The following DEUP1 variants were observed in gnomAD, a reference collection of about 807,000 sequenced individuals.
DEUP1 encodes coiled-coil domain containing 67.
A neutral mutation model predicts 87.4 loss-of-function variants in DEUP1; 82 were observed. The ratio of observed to expected loss-of-function variants is 0.94; its 90% CI spans 0.78 to 1.13. The LOEUF (loss-of-function observed/expected upper bound fraction) is 1.13, where lower values mean the gene tolerates loss of function less well. DEUP1 is among the 50% of genes most tolerant of loss of function. DEUP1 has a pLI of 0.00. For missense variants in DEUP1, 663 were observed against 681.5 expected (o/e 0.97, Z 0.30); for synonymous variants, 214 against 222.7 (o/e 0.96, Z 0.35).
chr11:93,393,312 T>G (rs1219577843), intron 9 of DEUP1, among the ~76,000 whole-genome samples: 1 of 137,114 alleles, frequency 7.3e-6, no homozygotes, highest in Admixed American at 7.1e-5. Context: ...TTTCTATGCC[T>G]TTTTATTTTT....
chr11:93,368,470 G>T (rs1306230458), intron 5 of DEUP1, among the ~76,000 whole-genome samples: 2 of 152,176 alleles, frequency 1.3e-5, no homozygotes, highest in African/African-American at 4.8e-5. Context: ...GGTTGGGGAG[G>T]CCTTGGGAAA....
At chr11:93,433,220 C>T (rs1328248138) in intron 13 of DEUP1, among the ~76,000 whole-genome samples, 1 of 152,174 alleles carries the variant, frequency 6.6e-6, no homozygotes, top group Non-Finnish European at 1.5e-5. Context: ...GTGCTAGAAC[C>T]TGATGAATCA....
chr11:93,347,529 T>C (rs189156588), intron 2 of DEUP1, among the ~76,000 whole-genome samples: 65 of 152,266 alleles, frequency 4.3e-4, no homozygotes, highest in African/African-American at 1.5e-3. Context: ...GCCGGCCTCA[T>C]AGAATGAGTT....
rs1312095301 is a variant in DEUP1 at position 93,370,203 on chromosome 11, T to C, written c.546+17T>C. ...CAGTTTCAGGTAAGTTATCTAATAC[T>C]ATTCTCTAAATCAAAAGCAGAAGTT... On this transcript the variant is annotated intron_variant, in intron 6 of 13. Transcript: ENST00000298050. 8.0e-7 allele frequency: 1 copy of C among 1,252,074 alleles called. No individual in the cohort carries two copies. The highest frequency in any genetic ancestry group is 1.5e-5 in the African/African-American group (1 of 67,108). The allele number at this position is 1,252,074 out of a possible 1,614,324, so 77.6% of individuals were successfully genotyped here.
intron 7 of DEUP1, among the ~76,000 whole-genome samples, chr11:93,383,836 T>C (rs897272997): frequency 1.3e-5 from 2 of 152,240 alleles, no homozygotes; most frequent in African/African-American, 2.4e-5. Context: ...GTGGAAGGGA[T>C]TATTTTTTCA....
At chr11:93,432,971 T>C (rs1948147406) in intron 13 of DEUP1, among the ~76,000 whole-genome samples, 1 of 152,168 alleles carries the variant, frequency 6.6e-6, no homozygotes, top group African/African-American at 2.4e-5. Flanking sequence ...TTTTTTCCTT[T>C]TACTTGCCTA....
In DEUP1 at chr11:93,400,222, A is replaced by C. The variant is rs115591877; in HGVS notation, c.1326+3897A>C. On this transcript the variant is annotated intron_variant, in intron 11 of 13. Coordinates refer to ENST00000298050, the MANE Select transcript of DEUP1 (RefSeq NM_181645.4). The stretch of plus-strand genomic sequence containing the variant: ...AAGCTGGCTGGCTTGAAACAACAGA[A>C]ATTTATTGTCTTACAGTTCTAGAGG... 7.5e-3 allele frequency among the ~76,000 whole-genome samples: 1,138 copies of C among 152,124 alleles called. 18 individuals carry two copies. Among genetic ancestry groups the C allele is most frequent in the African/African-American group, 0.026 (1,099 of 41,476 alleles).
At chr11:93,333,650 C>A (rs1565286172) in intron 2 of DEUP1, among the ~76,000 whole-genome samples, 1 of 152,190 alleles carries the variant, frequency 6.6e-6, no homozygotes, top group East Asian at 1.9e-4. Context: ...AACTAGCATC[C>A]TCTACCACAT....
chr11:93,437,518 CACTT>C, intron 13 of DEUP1, 21 bp from the exon 14 acceptor site: 2 of 1,580,456 alleles, frequency 1.3e-6, no homozygotes, highest in Non-Finnish European at 1.7e-6. Context: ...ATTCCTCACT[CACTT>C]TTCTTTCTTT....
chr11:93,346,818 T>G (rs1944372625), intron 2 of DEUP1, among the ~76,000 whole-genome samples: 2 of 152,176 alleles, frequency 1.3e-5, no homozygotes, highest in Non-Finnish European at 2.9e-5. Context: ...GTGAATGGGA[T>G]TGTGTTCCTG....
At chr11:93,405,572 C>T (rs1947247665) in intron 11 of DEUP1, among the ~76,000 whole-genome samples, 1 of 151,926 alleles carries the variant, frequency 6.6e-6, no homozygotes, top group Admixed American at 6.6e-5. Context: ...TACATATTTA[C>T]TAAACCTCCA....
At chr11:93,375,034 C>CTT (rs60565734) in intron 7 of DEUP1, among the ~76,000 whole-genome samples, 175 of 126,580 alleles carry the variant, frequency 1.4e-3, no homozygotes, top group East Asian at 4.6e-3. Context: ...TTTTTCTTTT[C>CTT]TTTTTTTTTT....
chr11:93,352,561 A>G, intron 2 of DEUP1: 1 of 609,240 alleles, frequency 1.6e-6, no homozygotes, highest in South Asian at 2.1e-5. Flanking sequence ...GACTTACAGT[A>G]TCTCCCCATA....
At chr11:93,409,109 A>C (rs1399113264) in intron 12 of DEUP1, among the ~76,000 whole-genome samples, 1 of 152,140 alleles carries the variant, frequency 6.6e-6, no homozygotes, top group African/African-American at 2.4e-5. Flanking sequence ...CACCCACCTC[A>C]GCCTCCCAAA....
chr11:93,356,369 A>G (rs910751193), intron 3 of DEUP1, among the ~76,000 whole-genome samples: 4 of 152,318 alleles, frequency 2.6e-5, no homozygotes, highest in Middle Eastern at 3.4e-3. Context: ...GAGGTAGGTC[A>G]TCAAAACATG....
At position 93,408,368 on chromosome 11, in the gene DEUP1, T is replaced by C; in HGVS notation, c.1464T>C (p.Tyr488=). 5.7e-6 allele frequency: 9 copies of C among 1,572,878 alleles called. No homozygotes were observed. Among genetic ancestry groups the C allele is most frequent in the Non-Finnish European group, 7.8e-6 (9 of 1,158,412 alleles). The change falls in exon 12 of 14, where the codon TAT becomes TAC. Residue 488 remains tyrosine (Y), a synonymous_variant. Coordinates refer to ENST00000298050, the MANE Select transcript of DEUP1 (RefSeq NM_181645.4). ...CAACCTGGACTAATCAAAACACCTA[T>C]GAAGAAACAGGAAGATATGCCTATC... The part of the protein sequence containing the change: ...GKSTWTNQNT[Y]EETGRYAYQS...
At chr11:93,335,525 G>A (rs923281126) in intron 2 of DEUP1, among the ~76,000 whole-genome samples, 20 of 152,078 alleles carry the variant, frequency 1.3e-4, no homozygotes, top group African/African-American at 4.8e-4. Flanking sequence ...AGTTTGTCTA[G>A]TCCTTCTTGT....
chr11:93,355,471 G>T lies in DEUP1; in HGVS notation c.130G>T (p.Glu44Ter). The change falls in exon 3 of 14, where the codon GAG (glutamate) becomes TAG (stop). Residue 44 changes from glutamate (E) to a stop codon, truncating the protein, a stop_gained. Coordinates refer to ENST00000298050, the MANE Select transcript of DEUP1 (RefSeq NM_181645.4). LOFTEE classifies it high-confidence loss of function. ...TTGGGAAAGAAAGATGCGGGCTTTG[G>T]AGACACGATTAGATCTTCGGGATCA... ...MDWERKMRAL[E>*]TRLDLRDQEL... 6.2e-7 allele frequency: 1 copy of T among 1,613,864 alleles called. No homozygotes were observed.
intron 4 of DEUP1, among the ~76,000 whole-genome samples, chr11:93,358,729 C>A (rs566048421): frequency 2.6e-5 from 4 of 152,050 alleles, no homozygotes; most frequent in African/African-American, 4.8e-5. Context: ...ATTACAGGTG[C>A]GCACCGCCAC....
Sources: allele counts gnomAD v4.1 joint callset (sites outside exome capture counted in the v4.1 genomes callset), GRCh38; gene constraint gnomAD v4.1.1; transcripts MANE v1.5; gene names NCBI Gene and HGNC (gene_info 2026-07-23, HGNC 2026-07-21).